The following LTBP2 variants were observed in gnomAD, a reference collection of about 807,000 sequenced individuals.
The protein encoded by LTBP2 is latent-transforming growth factor beta-binding protein 2.
Under a neutral mutation model 210.6 loss-of-function variants are expected in LTBP2, and 103 were observed. The observed-to-expected ratio is 0.49, with a 90% confidence interval of 0.42 to 0.58. The LOEUF (loss-of-function observed/expected upper bound fraction) is 0.58, where lower values mean the gene tolerates loss of function less well. LTBP2 is among the 20% of genes least tolerant of loss of function. The pLI, the probability that LTBP2 is intolerant of heterozygous loss-of-function variation, is 0.00. For synonymous variants in LTBP2, 1,007 were observed against 1,015.0 expected (o/e 0.99, Z 0.15); for missense variants, 2,313 against 2,494.5 (o/e 0.93, Z 1.55).
intron 3 of LTBP2, among the ~76,000 whole-genome samples, chr14:74,578,685 C>T (rs1255971283): frequency 2.0e-5 from 3 of 152,216 alleles, no homozygotes; most frequent in African/African-American, 4.8e-5. Context: ...ACGATATCAT[C>T]AGCAGACCTG....
chr14:74,534,241 G>T lies in LTBP2; in HGVS notation c.1864+1685C>A, dbSNP rs574934249. 9.2e-5 allele frequency among the ~76,000 whole-genome samples: 14 copies of T among 152,244 alleles called. No individual in the cohort carries two copies. In the East Asian group the frequency reaches 1.9e-3, roughly 21 times the overall value. On this transcript the variant is annotated intron_variant, in intron 9 of 35. Coordinates refer to ENST00000261978, the MANE Select transcript of LTBP2 (RefSeq NM_000428.3). The stretch of plus-strand genomic sequence containing the variant: ...TGGGTTCCCTGTCACTTCTTAGAGG[G>T]AGGCTCTAAACCCTAACATGGTATC...
intron 2 of LTBP2, among the ~76,000 whole-genome samples, chr14:74,597,440 G>C (rs775587183): frequency 3.9e-5 from 6 of 152,178 alleles, no homozygotes; most frequent in Non-Finnish European, 8.8e-5. Context: ...TGGGGATGGA[G>C]GGAGGAAACT....
chr14:74,597,848 G>C (rs1191236087), intron 2 of LTBP2, among the ~76,000 whole-genome samples: 1 of 152,206 alleles, frequency 6.6e-6, no homozygotes, highest in Non-Finnish European at 1.5e-5. Flanking sequence ...CCGGAGATGA[G>C]ACTTTCCTGG....
chr14:74,610,267 G>A (rs1157981757), intron 1 of LTBP2, among the ~76,000 whole-genome samples: 1 of 152,232 alleles, frequency 6.6e-6, no homozygotes, highest in Non-Finnish European at 1.5e-5. Flanking sequence ...GGTGAAAGGA[G>A]AAAGAGGATG....
chr14:74,601,668 G>A (rs1303789543), intron 2 of LTBP2, among the ~76,000 whole-genome samples: 1 of 152,264 alleles, frequency 6.6e-6, no homozygotes, highest in African/African-American at 2.4e-5. Flanking sequence ...GAAGCCAAGA[G>A]CTTGGTGAAC....
rs548150556 is a variant in LTBP2 at position 74,569,664 on chromosome 14, C to T, written c.831-13971G>A. ...CTCTTCCTCTGGGTATCTGCTGGGGCGTCAGAGTCCTTCCCACACAACCTG... is the reference window on the plus strand; with the variant it reads ...CTCTTCCTCTGGGTATCTGCTGGGGTGTCAGAGTCCTTCCCACACAACCTG... On this transcript the variant is annotated intron_variant, in intron 3 of 35. Transcript: ENST00000261978. 2.3e-4 allele frequency among the ~76,000 whole-genome samples: 35 copies of T among 152,264 alleles called. No individual in the cohort carries two copies. In the South Asian group the frequency reaches 6.4e-3, roughly 28 times the overall value.
intron 14 of LTBP2, 133 bp from the exon 15 acceptor site, chr14:74,525,358 C>G (rs1739717828): frequency 1.4e-5 from 6 of 423,036 alleles, no homozygotes; most frequent in Non-Finnish European, 2.1e-5. Flanking sequence ...GCCTTCCAGT[C>G]TCCTGAAAGT....
chr14:74,575,292 C>T (rs2088043588), intron 3 of LTBP2, among the ~76,000 whole-genome samples: 1 of 152,230 alleles, frequency 6.6e-6, no homozygotes, highest in South Asian at 2.1e-4. Context: ...ACTACAAAGG[C>T]CCAGAGATCC....
Position 74,611,478 on chromosome 14 carries a change from G to C in LTBP2, c.467C>G (p.Pro156Arg), listed in dbSNP as rs747188312. Residue 156 changes from proline to arginine, a missense_variant, in exon 1 of 36, where the codon CCA (proline) becomes CGA (arginine). Physicochemically the swap from Pro to Arg is moderately radical, Grantham distance 103. Coordinates refer to ENST00000261978, the MANE Select transcript of LTBP2 (RefSeq NM_000428.3). ...CGTGAGCCGCCCTCGCGGCGGGGTT[G>C]GGGGCGCAGCCCCAGACCGCTGTGG... ...GTPQRSGAAP[P>R]TPPRGRLTGR... is the part of the protein sequence containing the mutation. 2 of 1,498,054 alleles carry C rather than the reference G, an allele frequency of 1.3e-6. No homozygotes were observed. The highest frequency in any genetic ancestry group is 8.8e-7 in the Non-Finnish European group (1 of 1,136,006). The allele number at this position is 1,498,054 out of a possible 1,614,324, so 92.8% of individuals were successfully genotyped here.
intron 2 of LTBP2, among the ~76,000 whole-genome samples, chr14:74,587,028 C>T (rs2088215471): frequency 6.6e-6 from 1 of 152,170 alleles, no homozygotes; most frequent in East Asian, 1.9e-4. Flanking sequence ...CCCAGGCTGA[C>T]TCCTCTCTTC....
At chr14:74,571,379 A>T (rs1342254356) in intron 3 of LTBP2, among the ~76,000 whole-genome samples, 1 of 152,190 alleles carries the variant, frequency 6.6e-6, no homozygotes, top group Admixed American at 6.5e-5. Flanking sequence ...AGGACCAAAA[A>T]TGTGCCAGAT....
intron 3 of LTBP2, among the ~76,000 whole-genome samples, chr14:74,567,102 G>A (rs1474249775): frequency 6.6e-6 from 1 of 152,212 alleles, no homozygotes; most frequent in Admixed American, 6.5e-5. Context: ...CAGGGAGACG[G>A]AGGGAGGCAT....
chr14:74,585,930 C>A lies in LTBP2; in HGVS notation c.754G>T (p.Ala252Ser), dbSNP rs1426800597. 1.2e-6 allele frequency: 2 copies of A among 1,613,946 alleles called. No individual in the cohort carries two copies. The highest frequency in any genetic ancestry group is 1.7e-6 in the Non-Finnish European group (2 of 1,179,938). ...RSPNLRRSSAAGEGTLARAQP... is the reference protein window; with the variant it reads ...RSPNLRRSSASGEGTLARAQP... Reference sequence around the variant, plus strand: ...GCTCTGGCCAAGGTGCCCTCTCCAGCCGCACTGCTCCTGCGCAGGTTGGGT... The same window carrying A: ...GCTCTGGCCAAGGTGCCCTCTCCAGACGCACTGCTCCTGCGCAGGTTGGGT... The change falls in exon 3 of 36, where the codon GCT (alanine) becomes TCT (serine). Residue 252 changes from alanine to serine, a missense_variant. This residue lies in a region of LTBP2 where 1,867 missense variants were observed against 1,976.9 expected (regional missense o/e 0.94). Coordinates refer to ENST00000261978, the MANE Select transcript of LTBP2 (RefSeq NM_000428.3).
Position 74,552,336 on chromosome 14 carries a change from C to G in LTBP2, c.1250G>C (p.Trp417Ser). The change falls in exon 6 of 36, where the codon TGG becomes TCG. Residue 417 changes from tryptophan (W) to serine (S), a missense_variant. Coordinates refer to ENST00000261978, the MANE Select transcript of LTBP2 (RefSeq NM_000428.3). ...GGRCIGRDEC[W>S]CPANSTGKFC... ...CTTCCCGGTGGAGTTGGCGGGGCAC[C>G]AGCATTCGTCCCTGCCGATGCAGCG... The G allele has an allele frequency of 6.2e-7, 1 of 1,612,196 alleles. No individual in the cohort carries two copies. The highest frequency in any genetic ancestry group is 8.5e-7 in the Non-Finnish European group (1 of 1,179,982).
chr14:74,508,463 G>A, intron 24 of LTBP2, 141 bp downstream of exon 24: 6 of 1,468,692 alleles, frequency 4.1e-6, no homozygotes, highest in Non-Finnish European at 5.5e-6. Flanking sequence ...GCAGGGCCGT[G>A]AGCACTTGCT....
At chr14:74,601,710 A>G (rs2088449931) in intron 2 of LTBP2, among the ~76,000 whole-genome samples, 1 of 152,212 alleles carries the variant, frequency 6.6e-6, no homozygotes, top group South Asian at 2.1e-4. Flanking sequence ...AATGGGAGCA[A>G]TCGCATCGCA....
chr14:74,566,736 G>C (rs1187924877), intron 3 of LTBP2, among the ~76,000 whole-genome samples: 2 of 152,170 alleles, frequency 1.3e-5, no homozygotes, highest in Non-Finnish European at 2.9e-5. Flanking sequence ...AGGGTCGAGA[G>C]CCAGCCCTCT....
At chr14:74,600,771 C>A (rs540633878) in intron 2 of LTBP2, among the ~76,000 whole-genome samples, 1 of 152,314 alleles carries the variant, frequency 6.6e-6, no homozygotes, top group Non-Finnish European at 1.5e-5. Flanking sequence ...CCCTCTTCCT[C>A]ACCTCCAAGT....
In LTBP2 at chr14:74,594,838, G is replaced by T. The variant is rs560090778; in HGVS notation, c.566-8720C>A. Reference sequence around the variant, plus strand: ...CACCCTCGGAATCCACCTCAGAATCGCTCTCTCCACTCTCAAGCTCTGCCC... The same window carrying T: ...CACCCTCGGAATCCACCTCAGAATCTCTCTCTCCACTCTCAAGCTCTGCCC... On this transcript the variant is annotated intron_variant, in intron 2 of 35. Coordinates refer to ENST00000261978, the MANE Select transcript of LTBP2 (RefSeq NM_000428.3). Among the ~76,000 whole-genome samples the T allele has an allele frequency of 2.0e-5, 3 of 152,262 alleles. No individual in the cohort carries two copies. In the South Asian group the frequency reaches 6.2e-4, roughly 32 times the overall value.
Sources: gnomAD v4.1 joint callset for allele counts (sites outside exome capture counted in the v4.1 genomes callset) on GRCh38, gnomAD v4.1.1 for gene constraint, gnomAD v4.1.1 regional missense constraint, MANE v1.5 for transcripts, NCBI Gene and HGNC (gene_info 2026-07-23, HGNC 2026-07-21) for gene names.